MTUS2: variants seen among roughly 807,000 people sequenced by gnomAD.
The protein encoded by MTUS2 is microtubule associated scaffold protein 2.
MTUS2 carries 40 observed loss-of-function variants against 114.1 expected under a neutral mutation model. The ratio of observed to expected loss-of-function variants is 0.35; its 90% confidence interval spans 0.27 to 0.46. MTUS2 has a LOEUF of 0.46. MTUS2 is among the 20% of genes least tolerant of loss of function. The pLI is 1.00. For synonymous variants in MTUS2, 688 were observed against 672.0 expected, an observed-to-expected ratio of 1.02 and a Z score of -0.37; for missense variants, 1,679 against 1,705.4, an observed-to-expected ratio of 0.98 and a Z score of 0.27.
At chr13:29,190,124 A>T (rs114066059) in intron 5 of MTUS2, among the ~76,000 whole-genome samples, 1,557 of 152,314 alleles carry the variant, frequency 0.01, 24 homozygotes, top group African/African-American at 0.036. Flanking sequence ...AACTGTGAGA[A>T]ATAAATGTCT....
intron 7 of MTUS2, among the ~76,000 whole-genome samples, chr13:29,328,424 A>G (rs1900620416): frequency 6.6e-6 from 1 of 152,244 alleles, no homozygotes; most frequent in Non-Finnish European, 1.5e-5. Flanking sequence ...GTTTGGCCTT[A>G]AAAAGGCCAG....
At chr13:29,297,476 C>T (rs1051940299) in intron 6 of MTUS2, among the ~76,000 whole-genome samples, 1 of 152,160 alleles carries the variant, frequency 6.6e-6, no homozygotes, top group Non-Finnish European at 1.5e-5. Context: ...CATACAACTT[C>T]TTTGTAGCAG....
Position 29,174,796 on chromosome 13 carries a change from G to A in MTUS2, c.2644+73826G>A, listed in dbSNP as rs78391299. Among the ~76,000 whole-genome samples, 703 of 152,250 alleles carry A rather than the reference G, an allele frequency of 4.6e-3. 5 individuals carry two copies. Among genetic ancestry groups the A allele is most frequent in the African/African-American group, 0.015 (632 of 41,544 alleles). On this transcript the variant is annotated intron_variant, in intron 5 of 15. Coordinates refer to ENST00000612955, the MANE Select transcript of MTUS2 (RefSeq NM_001033602.4). ...GTCCCTTTATCCCAGCAGGGCACAT[G>A]GTGATTATTTATGGCCAGTATTTCA...
In MTUS2 at chr13:29,183,023, G is replaced by A. The variant is rs1365997559; in HGVS notation, c.2644+82053G>A. ...AAGGCCCTTTGGCCTTACTCTGTGCGAAATGGGAAGCCAGTGGAAAGTTTT... is the reference window on the plus strand; with the variant it reads ...AAGGCCCTTTGGCCTTACTCTGTGCAAAATGGGAAGCCAGTGGAAAGTTTT... On this transcript the variant is annotated intron_variant, in intron 5 of 15. Coordinates refer to ENST00000612955, the MANE Select transcript of MTUS2 (RefSeq NM_001033602.4). Among the ~76,000 whole-genome samples, 4 of 152,214 alleles carry A rather than the reference G, an allele frequency of 2.6e-5. No individual in the cohort carries two copies. In the East Asian group the frequency reaches 7.7e-4, roughly 29 times the overall value.
Position 29,026,126 on chromosome 13 carries a change from T to C in MTUS2, c.1428T>C (p.Val476=), listed in dbSNP as rs1426821749. The change falls in exon 3 of 16, where the codon GTT becomes GTC. Residue 476 remains valine (V), a synonymous_variant. Transcript: ENST00000612955. ...SVMVLVFNPS[V]GENKTEVPEP... Reference sequence around the variant, plus strand: ...TGGTTTTGGTGTTCAATCCTTCTGTTGGAGAGAACAAGACGGAGGTGCCTG... The same window carrying C: ...TGGTTTTGGTGTTCAATCCTTCTGTCGGAGAGAACAAGACGGAGGTGCCTG... The C allele has an allele frequency of 6.2e-7, 1 of 1,613,944 alleles. No individual in the cohort carries two copies. The highest frequency in any genetic ancestry group is 1.1e-5 in the South Asian group (1 of 91,076).
At chr13:29,374,364 A>G (rs1031348806) in intron 8 of MTUS2, among the ~76,000 whole-genome samples, 1 of 152,350 alleles carries the variant, frequency 6.6e-6, no homozygotes, top group Non-Finnish European at 1.5e-5. Flanking sequence ...CACAAACAGG[A>G]TAAGCCCAAG....
At chr13:29,401,700 G>T (rs1874361809) in intron 8 of MTUS2, among the ~76,000 whole-genome samples, 1 of 152,066 alleles carries the variant, frequency 6.6e-6, no homozygotes, top group Non-Finnish European at 1.5e-5. Flanking sequence ...TTGTTCCGTG[G>T]ATCAGCTTGT....
At chr13:29,155,042 G>A (rs1293432569) in intron 5 of MTUS2, among the ~76,000 whole-genome samples, 1 of 152,228 alleles carries the variant, frequency 6.6e-6, no homozygotes, top group Non-Finnish European at 1.5e-5. Context: ...ATAGGCGTCT[G>A]TACCAAGAAA....
intron 5 of MTUS2, among the ~76,000 whole-genome samples, chr13:29,278,780 C>A (rs923657464): frequency 1.5e-4 from 23 of 152,222 alleles, no homozygotes; most frequent in African/African-American, 5.3e-4. Flanking sequence ...ATTGTGTTAT[C>A]CTCACCTTTT....
chr13:28,953,977 T>C (rs1455987992), intron 2 of MTUS2, among the ~76,000 whole-genome samples: 2 of 152,178 alleles, frequency 1.3e-5, no homozygotes, highest in East Asian at 3.8e-4. Context: ...ATAAAATCAA[T>C]GTGATAGACA....
At chr13:28,959,947 A>T (rs535075906) in intron 2 of MTUS2, among the ~76,000 whole-genome samples, 2 of 152,346 alleles carry the variant, frequency 1.3e-5, no homozygotes, top group South Asian at 4.1e-4. Context: ...TCTCATAACA[A>T]ATAACATAAT....
intron 5 of MTUS2, among the ~76,000 whole-genome samples, chr13:29,152,656 G>C (rs1031135047): frequency 6.6e-6 from 1 of 152,094 alleles, no homozygotes; most frequent in Non-Finnish European, 1.5e-5. Flanking sequence ...TCAGTTTCTA[G>C]CCGCATGGAC....
intron 5 of MTUS2, among the ~76,000 whole-genome samples, chr13:29,217,990 C>A (rs748210191): frequency 2.6e-5 from 4 of 152,068 alleles, no homozygotes; most frequent in Non-Finnish European, 5.9e-5. Context: ...CTTGGTGATG[C>A]ATGCCTGTAG....
intron 2 of MTUS2, among the ~76,000 whole-genome samples, chr13:28,991,302 T>A (rs1884840199): frequency 6.6e-6 from 1 of 152,150 alleles, no homozygotes. Context: ...CCTGTCCAGC[T>A]GTTTTCTTTA....
At chr13:28,956,799 A>G (rs1427657268) in intron 2 of MTUS2, among the ~76,000 whole-genome samples, 1 of 152,010 alleles carries the variant, frequency 6.6e-6, no homozygotes, top group Non-Finnish European at 1.5e-5. Flanking sequence ...TGCCCTAGAG[A>G]TGGGTGAGCT....
chr13:28,978,403 A>G (rs1012581710), intron 2 of MTUS2, among the ~76,000 whole-genome samples: 30 of 152,340 alleles, frequency 2.0e-4, no homozygotes, highest in African/African-American at 6.0e-4. Context: ...AACTTTGACT[A>G]TTAGATTAAG....
intron 7 of MTUS2, among the ~76,000 whole-genome samples, chr13:29,343,038 A>G (rs1166404773): frequency 1.3e-5 from 2 of 151,872 alleles, no homozygotes; most frequent in Non-Finnish European, 2.9e-5. Context: ...TACCTTTTTT[A>G]TATGCTGTTG....
At chr13:29,167,156 C>T (rs933392126) in intron 5 of MTUS2, among the ~76,000 whole-genome samples, 2 of 152,162 alleles carry the variant, frequency 1.3e-5, no homozygotes, top group African/African-American at 2.4e-5. Context: ...GGGCGGATCA[C>T]GAGGTCGGGA....
At position 28,866,289 on chromosome 13, in the gene MTUS2, C is replaced by T. The variant is rs547833019; in HGVS notation, c.-243+26439C>T. On this transcript the variant is annotated intron_variant, in intron 2 of 15. Coordinates refer to ENST00000612955, the MANE Select transcript of MTUS2 (RefSeq NM_001033602.4). ...TAAATGTCAGTTGAACCATGGATCA[C>T]CATAAGCTGTTTGACTTTTTCTTCT... Among the ~76,000 whole-genome samples, 121 of 152,128 alleles carry T rather than the reference C, an allele frequency of 8.0e-4. 1 individual carries two copies. The highest frequency in any genetic ancestry group is 2.8e-3 in the African/African-American group (117 of 41,394).
Sources: allele counts gnomAD v4.1 joint callset (sites outside exome capture counted in the v4.1 genomes callset), GRCh38; gene constraint gnomAD v4.1.1; transcripts MANE v1.5; gene names NCBI Gene and HGNC (gene_info 2026-07-23, HGNC 2026-07-21).